RPS6KA2: variants seen among roughly 807,000 people sequenced by gnomAD.
RPS6KA2 encodes the protein ribosomal protein S6 kinase alpha-2.
A neutral mutation model predicts 91.8 loss-of-function variants in RPS6KA2; 42 were observed. That is an observed-to-expected ratio of 0.46 (90% CI 0.36 to 0.59). RPS6KA2 has a LOEUF of 0.59. Among genes scored for constraint, RPS6KA2 ranks in the 20% least tolerant of loss-of-function variants. The pLI, the probability that RPS6KA2 is intolerant of heterozygous loss-of-function variation, is 0.00. For synonymous variants in RPS6KA2, 414 were observed against 393.6 expected (o/e 1.05, Z -0.61); for missense variants, 798 against 978.5 (o/e 0.82, Z 2.46).
At chr6:166,596,296 T>C (rs1302539479) in intron 1 of RPS6KA2, among the ~76,000 whole-genome samples, 1 of 152,188 alleles carries the variant, frequency 6.6e-6, no homozygotes, top group African/African-American at 2.4e-5. Context: ...GGATGCAAAG[T>C]ATTGTTCCTG....
rs752068660 is a variant in RPS6KA2 at position 166,648,019 on chromosome 6, CACATACAT to C, written c.124-109243_124-109236del. Among the ~76,000 whole-genome samples the C allele has an allele frequency of 9.0e-5, 13 of 144,256 alleles. No homozygotes were observed. Among genetic ancestry groups the C allele is most frequent in the African/African-American group, 3.5e-4 (13 of 37,046 alleles). The allele number at this position is 144,256 out of a possible 152,430, so 94.6% of individuals were successfully genotyped here. On this transcript the variant is annotated intron_variant, in intron 2 of 21. Coordinates refer to the RPS6KA2 transcript ENST00000503859. The surrounding 1 kb of genome is among the most constrained non-coding windows in gnomAD (Gnocchi z 4.8). ...ATGCTCACACACGCACATGCTTACA[CACATACAT>C]ACACACATGCTCTCACACACATGCA...
At chr6:166,781,772 C>G (rs948554722) in intron 2 of RPS6KA2, among the ~76,000 whole-genome samples, 1 of 152,180 alleles carries the variant, frequency 6.6e-6, no homozygotes, top group Admixed American at 6.5e-5. Flanking sequence ...AGGAGCCAGG[C>G]AGATGGAGAA....
In RPS6KA2 at chr6:166,769,739, C is replaced by T. The variant is rs142420612; in HGVS notation, c.123+88461G>A. The stretch of plus-strand genomic sequence containing the variant: ...TGGAATGCAGTAGGGACCTCTCTTC[C>T]AGGATTTGGGACCACCTAAAACCAG... On this transcript the variant is annotated intron_variant, in intron 2 of 21. Coordinates refer to the RPS6KA2 transcript ENST00000503859. 9.0e-4 allele frequency among the ~76,000 whole-genome samples: 137 copies of T among 152,314 alleles called. 4 individuals carry two copies. In the South Asian group the frequency reaches 0.027, roughly 30 times the overall value.
At chr6:166,760,790 C>A (rs1416556353) in intron 2 of RPS6KA2, among the ~76,000 whole-genome samples, 1 of 152,228 alleles carries the variant, frequency 6.6e-6, no homozygotes, top group East Asian at 1.9e-4. Context: ...ATAATCCTCA[C>A]CTACAGTCAT....
intron 10 of RPS6KA2, among the ~76,000 whole-genome samples, chr6:166,486,063 C>G (rs1376447822): frequency 3.3e-5 from 5 of 152,212 alleles, no homozygotes; most frequent in Non-Finnish European, 7.3e-5. Context: ...CTGCACATCT[C>G]TTGGAAATGT....
At chr6:166,676,696 C>G (rs1421515748) in intron 2 of RPS6KA2, among the ~76,000 whole-genome samples, 1 of 152,214 alleles carries the variant, frequency 6.6e-6, no homozygotes, top group Non-Finnish European at 1.5e-5. Context: ...ACTCCACAGC[C>G]ATCTGCTTCA....
rs948465654 is a variant in RPS6KA2, at chr6:166,732,528, G to A, written c.123+125672C>T. ...TCACTGAACCTTATCACATGGGCTT[G>A]CTATGGGAGTTCACATGATTTGAAA... On this transcript the variant is annotated intron_variant, in intron 2 of 21. Coordinates refer to the RPS6KA2 transcript ENST00000503859. The surrounding 1 kb of genome is among the most constrained non-coding windows in gnomAD (Gnocchi z 4.0). 1.3e-5 allele frequency among the ~76,000 whole-genome samples: 2 copies of A among 152,218 alleles called. No individual in the cohort carries two copies. Among genetic ancestry groups the A allele is most frequent in the African/African-American group, 4.8e-5 (2 of 41,454 alleles).
intron 1 of RPS6KA2, among the ~76,000 whole-genome samples, chr6:166,565,963 C>T (rs890697142): frequency 2.0e-5 from 3 of 152,186 alleles, no homozygotes; most frequent in South Asian, 2.1e-4. Flanking sequence ...TTCCCATCTT[C>T]GTGGACAACT....
intron 2 of RPS6KA2, among the ~76,000 whole-genome samples, chr6:166,714,736 C>T (rs906426631): frequency 8.5e-5 from 13 of 152,368 alleles, no homozygotes; most frequent in African/African-American, 3.1e-4. Context: ...GGAGCCCACT[C>T]TGCCACACCT....
chr6:166,647,154 G>A (rs1404840904), intron 2 of RPS6KA2, among the ~76,000 whole-genome samples: 1 of 145,566 alleles, frequency 6.9e-6, no homozygotes. Context: ...TTGCCCCAGT[G>A]TTCTCCTATT....
At chr6:166,758,386 T>G (rs1562422651) in intron 2 of RPS6KA2, among the ~76,000 whole-genome samples, 2 of 152,230 alleles carry the variant, frequency 1.3e-5, no homozygotes, top group Non-Finnish European at 2.9e-5. Context: ...AACATTTGCT[T>G]TGTTTTCCTG....
chr6:166,485,904 C>T (rs1356721469), intron 10 of RPS6KA2, among the ~76,000 whole-genome samples: 1 of 152,176 alleles, frequency 6.6e-6, no homozygotes, highest in Non-Finnish European at 1.5e-5. Flanking sequence ...TGAGGTCTTG[C>T]CCATGACAGG....
At chr6:166,701,715 G>C in intron 2 of RPS6KA2, 1 of 1,315,156 alleles carries the variant, frequency 7.6e-7, no homozygotes. Flanking sequence ...ACAGACCCAA[G>C]GCGTTCAGAT....
intron 1 of RPS6KA2, among the ~76,000 whole-genome samples, chr6:166,564,001 A>G (rs1400029762): frequency 4.6e-5 from 7 of 152,320 alleles, no homozygotes. Context: ...ATGTTTCAGC[A>G]CTGCGGTTCC....
At chr6:166,420,208 G>A (rs2128440332) in intron 17 of RPS6KA2, among the ~76,000 whole-genome samples, 1 of 152,300 alleles carries the variant, frequency 6.6e-6, no homozygotes, top group South Asian at 2.1e-4. Flanking sequence ...GAAAAGGAGG[G>A]CCTTAATTTT....
chr6:166,683,725 A>G lies in RPS6KA2; in HGVS notation c.124-144941T>C, dbSNP rs1038541121. Reference sequence around the variant, plus strand: ...GACTGAGAACACAGAAGGGAAACACATCTGGAGCTTTTCGCATCCAGGGCC... The same window carrying G: ...GACTGAGAACACAGAAGGGAAACACGTCTGGAGCTTTTCGCATCCAGGGCC... On this transcript the variant is annotated intron_variant, in intron 2 of 21. Coordinates refer to the RPS6KA2 transcript ENST00000503859. Among the ~76,000 whole-genome samples, 8 of 152,374 alleles carry G rather than the reference A, an allele frequency of 5.3e-5. No homozygotes were observed. In the East Asian group the frequency reaches 1.5e-3, roughly 29 times the overall value.
chr6:166,800,761 A>T (rs1779347098), intron 2 of RPS6KA2, among the ~76,000 whole-genome samples: 1 of 152,200 alleles, frequency 6.6e-6, no homozygotes, highest in Admixed American at 6.5e-5. Context: ...TTTACCTGAG[A>T]TCATTTTAAA....
chr6:166,852,545 C>T lies in RPS6KA2; in HGVS notation c.123+5655G>A, dbSNP rs912187060. Among the ~76,000 whole-genome samples, 1 of 152,182 alleles carries T rather than the reference C, an allele frequency of 6.6e-6. No homozygotes were observed. The highest frequency in any genetic ancestry group is 1.5e-5 in the Non-Finnish European group (1 of 68,026). ...GGGCCATATCCTGCTGGAGCTTTGGCCCAGAGCTCCTGAACACACCCGGCC... is the reference window on the plus strand; with the variant it reads ...GGGCCATATCCTGCTGGAGCTTTGGTCCAGAGCTCCTGAACACACCCGGCC... On this transcript the variant is annotated intron_variant, in intron 2 of 21. Transcript: ENST00000503859. This position sits in a 1 kb window ranked among gnomAD's most constrained non-coding sequence, Gnocchi z 4.1.
At chr6:166,489,223 A>C (rs1781513660) in intron 9 of RPS6KA2, among the ~76,000 whole-genome samples, 1 of 152,252 alleles carries the variant, frequency 6.6e-6, no homozygotes, top group African/African-American at 2.4e-5. Flanking sequence ...TTAATAATAA[A>C]ATCATTAAAA....
Sources: gnomAD v4.1 joint callset for allele counts (sites outside exome capture counted in the v4.1 genomes callset) on GRCh38, gnomAD v4.1.1 for gene constraint, Gnocchi (gnomAD v3.1) non-coding constraint, MANE v1.5 for transcripts, NCBI Gene and HGNC (gene_info 2026-07-23, HGNC 2026-07-21) for gene names.